Variants in NNT observed in about 807,000 individuals in gnomAD.
The protein encoded by NNT is NAD(P) transhydrogenase, mitochondrial.
NNT carries 50 observed loss-of-function variants against 104.8 expected under a neutral mutation model. The observed-to-expected ratio is 0.48, with a 90% CI of 0.38 to 0.60. The LOEUF is 0.60. NNT is among the 20% of genes least tolerant of loss of function. NNT has a pLI of 0.00. For missense variants in NNT, 1,131 were observed against 1,330.7 expected (o/e 0.85, Z 2.33); for synonymous variants, 461 against 490.4 (o/e 0.94, Z 0.79).
intron 1 of NNT, 116 bp from the exon 2 acceptor site, chr5:43,609,027 C>T (rs527759903): frequency 8.4e-4 from 425 of 505,942 alleles, no homozygotes; most frequent in Non-Finnish European, 1.3e-3. Flanking sequence ...TAGATGTCTA[C>T]ATGTAACTGT....
intron 14 of NNT, among the ~76,000 whole-genome samples, chr5:43,654,760 G>A (rs1210233023): frequency 6.6e-6 from 1 of 152,224 alleles, no homozygotes; most frequent in South Asian, 2.1e-4. Context: ...GTATTTGTAT[G>A]TGCATGTATT....
At chr5:43,692,624 A>C (rs528811097) in intron 19 of NNT, among the ~76,000 whole-genome samples, 37 of 152,136 alleles carry the variant, frequency 2.4e-4, no homozygotes, top group African/African-American at 8.9e-4. Flanking sequence ...GAGCCTGGCC[A>C]TGCTGATGAT....
intron 3 of NNT, among the ~76,000 whole-genome samples, chr5:43,613,887 G>GT (rs566024962): frequency 2.1e-3 from 315 of 152,130 alleles, no homozygotes; most frequent in Non-Finnish European, 2.8e-3. Context: ...CAATCACATA[G>GT]TTTTTTTATT....
intron 13 of NNT, 90 bp downstream of exon 13, chr5:43,651,974 C>A: frequency 7.4e-7 from 1 of 1,353,352 alleles, no homozygotes; most frequent in Non-Finnish European, 1.0e-6. Context: ...TTCAAAGTAT[C>A]GAGCAAATAC....
At position 43,617,907 on chromosome 5, in the gene NNT, A is replaced by G. The variant is rs1407432091; in HGVS notation, c.600-1125A>G. 2.6e-5 allele frequency among the ~76,000 whole-genome samples: 4 copies of G among 152,184 alleles called. No homozygotes were observed. In the East Asian group the frequency reaches 7.7e-4, roughly 29 times the overall value. ...ATTAACTTAATAATGGTGACTTTAT[A>G]TGTTTTTGCATCAATTATTGTATCA... On this transcript the variant is annotated intron_variant, in intron 4 of 21. Transcript: ENST00000344920.
At chr5:43,668,826 G>T (rs1202451065) in intron 17 of NNT, among the ~76,000 whole-genome samples, 1 of 152,182 alleles carries the variant, frequency 6.6e-6, no homozygotes, top group Non-Finnish European at 1.5e-5. Flanking sequence ...GAAAGTCATT[G>T]GTAACTTGAT....
chr5:43,659,446 G>C (rs566111741), intron 17 of NNT, 96 bp downstream of exon 17: 1 of 1,103,040 alleles, frequency 9.1e-7, no homozygotes, highest in East Asian at 2.7e-5. Flanking sequence ...AATGAATATT[G>C]TAGGCTGGGC....
chr5:43,640,190 T>C (rs1166652596), intron 7 of NNT, among the ~76,000 whole-genome samples: 1 of 152,182 alleles, frequency 6.6e-6, no homozygotes, highest in Non-Finnish European at 1.5e-5. Flanking sequence ...TTCACCAAGC[T>C]GTCTCTGGGG....
intron 10 of NNT, 114 bp from the exon 11 acceptor site, chr5:43,649,033 C>T: frequency 8.3e-7 from 1 of 1,204,578 alleles, no homozygotes; most frequent in African/African-American, 1.5e-5. Flanking sequence ...TCATTACTGG[C>T]AAGGGAGTGG....
intron 10 of NNT, 121 bp from the exon 11 acceptor site, chr5:43,649,026 T>C (rs755425661): frequency 1.7e-5 from 19 of 1,147,482 alleles, no homozygotes; most frequent in Non-Finnish European, 2.3e-5. Context: ...AATCTGCTCA[T>C]TACTGGCAAG....
intron 18 of NNT, among the ~76,000 whole-genome samples, chr5:43,676,224 G>C (rs907071292): frequency 1.1e-4 from 17 of 152,054 alleles, no homozygotes; most frequent in Admixed American, 1.1e-3. Flanking sequence ...ATCTCTCCAG[G>C]CCTCAATTTT....
intron 5 of NNT, among the ~76,000 whole-genome samples, chr5:43,622,442 T>C (rs34577568): frequency 0.034 from 5,124 of 152,280 alleles, 129 homozygotes; most frequent in East Asian, 0.12. Flanking sequence ...TTATTTCTTA[T>C]TTTTTAATAG....
At chr5:43,638,787 A>G (rs565467483) in intron 7 of NNT, among the ~76,000 whole-genome samples, 1 of 151,990 alleles carries the variant, frequency 6.6e-6, no homozygotes, top group African/African-American at 2.4e-5. Context: ...CCTTGGAATC[A>G]TTATAAAATT....
At chr5:43,699,272 A>T (rs1015947024) in intron 19 of NNT, among the ~76,000 whole-genome samples, 1 of 150,186 alleles carries the variant, frequency 6.7e-6, no homozygotes, top group Non-Finnish European at 1.5e-5. Flanking sequence ...GTCTTCTGTG[A>T]TGTGGAGTAG....
chr5:43,644,173 C>A lies in NNT; in HGVS notation c.965-19C>A. 4.4e-6 allele frequency: 7 copies of A among 1,587,266 alleles called. No homozygotes were observed. Among genetic ancestry groups the A allele is most frequent in the Non-Finnish European group, 6.0e-6 (7 of 1,166,176 alleles). On this transcript the variant is annotated intron_variant, in intron 7 of 21. Transcript: ENST00000344920. Reference sequence around the variant, plus strand: ...GAAAATGATAATACAAATTGTGCTGCTTTCTTTGATTTTATTAGGTAAAAA... The same window carrying A: ...GAAAATGATAATACAAATTGTGCTGATTTCTTTGATTTTATTAGGTAAAAA...
At chr5:43,636,510 G>T (rs1750937780) in intron 7 of NNT, among the ~76,000 whole-genome samples, 1 of 152,146 alleles carries the variant, frequency 6.6e-6, no homozygotes, top group South Asian at 2.1e-4. Flanking sequence ...TAAGTTGAAA[G>T]ACGTGAGAAA....
chr5:43,625,399 C>T (rs116059997), intron 6 of NNT, among the ~76,000 whole-genome samples: 37 of 152,136 alleles, frequency 2.4e-4, no homozygotes, highest in East Asian at 7.7e-4. Context: ...GTTTGTTATA[C>T]GGGTATCTCA....
At chr5:43,701,578 T>C (rs1437178590) in intron 20 of NNT, among the ~76,000 whole-genome samples, 1 of 152,136 alleles carries the variant, frequency 6.6e-6, no homozygotes, top group African/African-American at 2.4e-5. Flanking sequence ...AAAGATTTGT[T>C]TTCTTTTGGA....
At chr5:43,624,918 C>G (rs1750285672) in intron 6 of NNT, among the ~76,000 whole-genome samples, 1 of 152,050 alleles carries the variant, frequency 6.6e-6, no homozygotes, top group South Asian at 2.1e-4. Context: ...AAAAAGCAAC[C>G]ATTCAAAGTT....
Sources: allele counts gnomAD v4.1 joint callset (sites outside exome capture counted in the v4.1 genomes callset), GRCh38; gene constraint gnomAD v4.1.1; transcripts MANE v1.5; gene names NCBI Gene and HGNC (gene_info 2026-07-23, HGNC 2026-07-21).